Variants in FBXO11 observed in about 807,000 individuals in gnomAD.
FBXO11 encodes F-box only protein 11.
In FBXO11, 13 loss-of-function variants were observed where a neutral mutation model predicts 117.0. The ratio of observed to expected loss-of-function variants is 0.11; its 90% CI spans 0.07 to 0.18. The LOEUF (loss-of-function observed/expected upper bound fraction) is 0.18, where lower values mean the gene tolerates loss of function less well. FBXO11 is among the 10% of genes least tolerant of loss of function. The pLI is 1.00. For missense variants in FBXO11, 767 were observed against 1,164.4 expected, an observed-to-expected ratio of 0.66 and a Z score of 4.97; for synonymous variants, 490 against 380.5, an observed-to-expected ratio of 1.29 and a Z score of -3.35.
In FBXO11 at chr2:47,871,210, G is replaced by A. The variant is rs145140656; in HGVS notation, c.233-31441C>T. 1.4e-4 allele frequency among the ~76,000 whole-genome samples: 22 copies of A among 152,266 alleles called. 1 individual carries two copies. The highest frequency in any genetic ancestry group is 4.8e-4 in the African/African-American group (20 of 41,548). On this transcript the variant is annotated intron_variant, in intron 1 of 22. Transcript: ENST00000403359. Reference sequence around the variant, plus strand: ...GATTACTTGCTCTGGACAAAGCCACGTGCCCTATCACCAGAAGACGCTTTA... The same window carrying A: ...GATTACTTGCTCTGGACAAAGCCACATGCCCTATCACCAGAAGACGCTTTA...
In FBXO11 at chr2:47,867,748, T is replaced by C. The variant is rs564608787; in HGVS notation, c.233-27979A>G. ...AAGTCAATAAAGAACTGACACACATTATCTGCATATTGTTATCTATGTAGA... is the reference window on the plus strand; with the variant it reads ...AAGTCAATAAAGAACTGACACACATCATCTGCATATTGTTATCTATGTAGA... On this transcript the variant is annotated intron_variant, in intron 1 of 22. Transcript: ENST00000403359. Among the ~76,000 whole-genome samples, 9 of 152,260 alleles carry C rather than the reference T, an allele frequency of 5.9e-5. No individual in the cohort carries two copies. In the East Asian group the frequency reaches 1.7e-3, roughly 29 times the overall value.
chr2:47,879,746 C>T (rs1385951873), intron 1 of FBXO11, among the ~76,000 whole-genome samples: 1 of 152,200 alleles, frequency 6.6e-6, no homozygotes, highest in Admixed American at 6.5e-5. Context: ...TGCTGAAACT[C>T]TATATCCACT....
At chr2:47,847,437 G>A (rs1437824942) in intron 1 of FBXO11, among the ~76,000 whole-genome samples, 3 of 152,130 alleles carry the variant, frequency 2.0e-5, no homozygotes, top group African/African-American at 7.2e-5. Context: ...GGCTGGGTGT[G>A]GTGGCTCACG....
At position 47,839,515 on chromosome 2, in the gene FBXO11, C is replaced by A. The variant is rs757022800; in HGVS notation, c.361-15G>T. The A allele has an allele frequency of 6.2e-7, 1 of 1,612,396 alleles. No individual in the cohort carries two copies. The highest frequency in any genetic ancestry group is 8.5e-7 in the Non-Finnish European group (1 of 1,179,550). On this transcript the variant is annotated splice_polypyrimidine_tract_variant and intron_variant, in intron 2 of 22. Transcript: ENST00000403359. ...GTTGAGGCGCCCTTCAAAAACAAAA[C>A]AGAAACTAGTAAAGCAAATATTCTT...
intron 1 of FBXO11, among the ~76,000 whole-genome samples, chr2:47,885,632 TAAAAGA>T (rs1676773482): frequency 6.6e-6 from 1 of 151,978 alleles, no homozygotes; most frequent in Admixed American, 6.6e-5. Flanking sequence ...AAGAATTTTG[TAAAAGA>T]AAAACAGCCA....
chr2:47,833,082 A>G lies in FBXO11; in HGVS notation c.935-12T>C, dbSNP rs755998086. 3.8e-6 allele frequency: 6 copies of G among 1,567,556 alleles called. No homozygotes were observed. The highest frequency in any genetic ancestry group is 2.7e-5 in the African/African-American group (2 of 73,826). On this transcript the variant is annotated splice_polypyrimidine_tract_variant and intron_variant, in intron 7 of 22. Coordinates refer to ENST00000403359, the MANE Select transcript of FBXO11 (RefSeq NM_001190274.2). ...CACTTTCCCAGGTGCTGTGGAGAAG[A>G]TATTTTAAAGAATATTACCTTTATT... is the stretch of plus-strand genomic sequence containing the variant.
chr2:47,833,932 T>C (rs1672363150), intron 7 of FBXO11, among the ~76,000 whole-genome samples: 1 of 151,594 alleles, frequency 6.6e-6, no homozygotes, highest in Non-Finnish European at 1.5e-5. Context: ...CCTCCCAAAC[T>C]ACTGGGTTTA....
In FBXO11 at chr2:47,832,979, T is replaced by G; in HGVS notation, c.1026A>C (p.Gly342=). The change falls in exon 8 of 23, where the codon GGA becomes GGC. Residue 342 remains glycine, a synonymous_variant. Coordinates refer to ENST00000403359, the MANE Select transcript of FBXO11 (RefSeq NM_001190274.2). Reference sequence around the variant, plus strand: ...CATGTCTTACCCTTATTGTCATATATCCAACATAAGCATCTTCAGAGCCTT... The same window carrying G: ...CATGTCTTACCCTTATTGTCATATAGCCAACATAAGCATCTTCAGAGCCTT... ...FMEGSEDAYV[G]YMTIRFNPDD... 1.2e-6 allele frequency: 2 copies of G among 1,611,312 alleles called. No individual in the cohort carries two copies. Among genetic ancestry groups the G allele is most frequent in the Non-Finnish European group, 1.7e-6 (2 of 1,177,464 alleles).
Position 47,808,024 on chromosome 2 carries a change from C to A in FBXO11, c.*94G>T, listed in dbSNP as rs1165705366. ...GTATCCATTTTTAATACAGTCTCTTCCTGTAGCATGGGCAAATATTTTAAA... is the reference window on the plus strand; with the variant it reads ...GTATCCATTTTTAATACAGTCTCTTACTGTAGCATGGGCAAATATTTTAAA... On this transcript the variant is annotated 3_prime_UTR_variant, in exon 23 of 23. Coordinates refer to ENST00000403359, the MANE Select transcript of FBXO11 (RefSeq NM_001190274.2). 7.8e-6 allele frequency: 9 copies of A among 1,149,292 alleles called. No homozygotes were observed. Among genetic ancestry groups the A allele is most frequent in the Non-Finnish European group, 1.0e-5 (8 of 802,854 alleles). 71.2% of individuals were successfully genotyped at this position (1,149,292 alleles called of 1,614,324 possible). A position where few individuals can be genotyped will look rare whatever the true frequency, so the allele number is the denominator to read the frequency against.
At position 47,807,945 on chromosome 2, in the gene FBXO11, A is replaced by G; in HGVS notation, c.*173T>C. 3.2e-6 allele frequency: 2 copies of G among 617,552 alleles called. No individual in the cohort carries two copies. The allele number at this position is 617,552 out of a possible 1,614,324, so 38.3% of individuals were successfully genotyped here. A position where few individuals can be genotyped will look rare whatever the true frequency, so the allele number is the denominator to read the frequency against. On this transcript the variant is annotated 3_prime_UTR_variant, in exon 23 of 23. Transcript: ENST00000403359. The stretch of plus-strand genomic sequence containing the variant: ...CCCAGCTTTGAGATCCTGAGTCAAT[A>G]TATTGCCACTTTCTTTTTGGTAGCT...
Position 47,836,102 on chromosome 2 carries a change from G to C in FBXO11, c.588-101C>G, listed in dbSNP as rs74467836. The C allele has an allele frequency of 0.089, 63,445 of 709,118 alleles. 3,417 individuals are homozygous for C. The highest frequency in any genetic ancestry group is 0.11 in the Non-Finnish European group (51,022 of 462,088). 43.9% of individuals were successfully genotyped at this position (709,118 alleles called of 1,614,324 possible). On this transcript the variant is annotated intron_variant, in intron 4 of 22. Transcript: ENST00000403359. ...ATTATTTGAGGCCTCAAAAACTTGAGTAAGAAAGTAAGAATAGACAAAAAT... is the reference window on the plus strand; with the variant it reads ...ATTATTTGAGGCCTCAAAAACTTGACTAAGAAAGTAAGAATAGACAAAAAT...
chr2:47,890,123 A>ATTAT (rs137926259), intron 1 of FBXO11, among the ~76,000 whole-genome samples: 2,494 of 151,722 alleles, frequency 0.016, 44 homozygotes, highest in African/African-American at 0.046. Context: ...GCTAATTTTT[A>ATTAT]TTATTTATTT....
intron 1 of FBXO11, among the ~76,000 whole-genome samples, chr2:47,862,095 A>G (rs536356503): frequency 6.6e-5 from 10 of 151,632 alleles, no homozygotes; most frequent in African/African-American, 2.2e-4. Context: ...TTTATTTTTT[A>G]TTTTTAATAG....
chr2:47,811,076 C>T (rs1670578564), intron 18 of FBXO11: 1 of 152,144 alleles, frequency 6.6e-6, no homozygotes, highest in African/African-American at 2.4e-5. Flanking sequence ...TAAACTTTCA[C>T]CTGGATGAGT....
intron 16 of FBXO11, among the ~76,000 whole-genome samples, chr2:47,815,540 G>A (rs897307588): frequency 5.9e-5 from 9 of 152,176 alleles, no homozygotes; most frequent in Non-Finnish European, 8.8e-5. Context: ...AGAGTAGTCC[G>A]CATGCCAAGG....
chr2:47,854,769 T>C (rs894045346), intron 1 of FBXO11, among the ~76,000 whole-genome samples: 4 of 152,006 alleles, frequency 2.6e-5, no homozygotes, highest in Non-Finnish European at 5.9e-5. Flanking sequence ...CTGATGGTGG[T>C]GGACCAGGAT....
intron 1 of FBXO11, among the ~76,000 whole-genome samples, chr2:47,849,676 A>G (rs567934601): frequency 6.6e-6 from 1 of 152,342 alleles, no homozygotes; most frequent in African/African-American, 2.4e-5. Context: ...ATCTAATCCA[A>G]TCTTAGATGA....
At chr2:47,823,503 C>T in intron 11 of FBXO11, 143 bp from the exon 12 acceptor site, 1 of 677,588 alleles carries the variant, frequency 1.5e-6, no homozygotes. Context: ...GCCTGTTAAT[C>T]CCAGCACTTT....
At position 47,832,954 on chromosome 2, in the gene FBXO11, C is replaced by T; in HGVS notation, c.1041+10G>A. 1 of 1,605,682 alleles carries T rather than the reference C, an allele frequency of 6.2e-7. No individual in the cohort carries two copies. Among genetic ancestry groups the T allele is most frequent in the Non-Finnish European group, 8.5e-7 (1 of 1,172,466 alleles). ...TTTCAATGTGTATTTTAAATCTTAA[C>T]ATGTCTTACCCTTATTGTCATATAT... On this transcript the variant is annotated intron_variant, in intron 8 of 22. Transcript: ENST00000403359.
Sources: gnomAD v4.1 joint callset for allele counts (sites outside exome capture counted in the v4.1 genomes callset) on GRCh38, gnomAD v4.1.1 for gene constraint, MANE v1.5 for transcripts, NCBI Gene and HGNC (gene_info 2026-07-23, HGNC 2026-07-21) for gene names.